Variants in ADGRL2 observed in about 807,000 individuals in gnomAD.
ADGRL2 encodes the protein adhesion G protein-coupled receptor L2.
A neutral mutation model predicts 157.4 loss-of-function variants in ADGRL2; 44 were observed. That is an observed-to-expected ratio of 0.28 (90% CI 0.22 to 0.36). The LOEUF (loss-of-function observed/expected upper bound fraction) is 0.36. ADGRL2 is among the 10% of genes least tolerant of loss of function. The probability of loss-of-function intolerance (pLI) is 1.00; values close to 1 mark genes in which losing one functional copy is unlikely to be tolerated. For synonymous variants in ADGRL2, 585 were observed against 624.7 expected (o/e 0.94, Z 0.95); for missense variants, 1,510 against 1,768.9 (o/e 0.85, Z 2.63).
chr1:81,781,563 C>T (rs11163372), intron 2 of ADGRL2, among the ~76,000 whole-genome samples: 29,748 of 152,068 alleles, frequency 0.2, 3,153 homozygotes, highest in African/African-American at 0.27. Flanking sequence ...AACATCTCTA[C>T]ATCAGAATTT....
intron 3 of ADGRL2, among the ~76,000 whole-genome samples, chr1:81,676,320 G>A (rs888462767): frequency 6.6e-6 from 1 of 151,922 alleles, no homozygotes; most frequent in African/African-American, 2.4e-5. Context: ...GTTTTGTTTT[G>A]TTTTGAAACA....
At chr1:81,682,167 G>C (rs2083133657) in intron 3 of ADGRL2, among the ~76,000 whole-genome samples, 1 of 151,382 alleles carries the variant, frequency 6.6e-6, no homozygotes, top group African/African-American at 2.4e-5. Flanking sequence ...AAGAAGGAAA[G>C]TATTACAGGA....
intron 1 of ADGRL2, among the ~76,000 whole-genome samples, chr1:81,392,872 A>G (rs2076584134): frequency 1.3e-5 from 2 of 152,142 alleles, no homozygotes; most frequent in Non-Finnish European, 2.9e-5. Flanking sequence ...TTGCTCTAAT[A>G]TAATCCATCT....
intron 2 of ADGRL2, among the ~76,000 whole-genome samples, chr1:81,455,013 G>A (rs1304309420): frequency 2.0e-5 from 3 of 152,176 alleles, no homozygotes; most frequent in Non-Finnish European, 4.4e-5. Flanking sequence ...AGATGACCAG[G>A]TTTCTCATCC....
chr1:81,329,609 G>C lies in ADGRL2; in HGVS notation c.-302+23100G>C, dbSNP rs530081255. 1.9e-3 allele frequency among the ~76,000 whole-genome samples: 282 copies of C among 152,210 alleles called. 3 individuals carry two copies. The highest frequency in any genetic ancestry group is 6.3e-3 in the African/African-American group (263 of 41,548). ...ATCTTTTAGCTTCATATGTCTGCCTGAGCAGCATCATACTTTAGAAAAGAA... is the reference window on the plus strand; with the variant it reads ...ATCTTTTAGCTTCATATGTCTGCCTCAGCAGCATCATACTTTAGAAAAGAA... On this transcript the variant is annotated intron_variant, in intron 1 of 24. Coordinates refer to the ADGRL2 transcript ENST00000370721.
intron 2 of ADGRL2, among the ~76,000 whole-genome samples, chr1:81,556,554 G>A (rs2080284751): frequency 1.3e-5 from 2 of 150,930 alleles, no homozygotes; most frequent in South Asian, 2.1e-4. Context: ...TAAAAAACAA[G>A]CAAAACCACC....
At chr1:81,615,959 G>A (rs1458970887) in intron 3 of ADGRL2, among the ~76,000 whole-genome samples, 1 of 152,106 alleles carries the variant, frequency 6.6e-6, no homozygotes, top group Non-Finnish European at 1.5e-5. Flanking sequence ...GAGTTTTGAA[G>A]CAGACAGCTT....
At chr1:81,351,377 C>T (rs1009431997) in intron 1 of ADGRL2, among the ~76,000 whole-genome samples, 1 of 151,924 alleles carries the variant, frequency 6.6e-6, no homozygotes, top group African/African-American at 2.4e-5. Flanking sequence ...TGAAATATAA[C>T]GTGTAGAGAA....
intron 1 of ADGRL2, among the ~76,000 whole-genome samples, chr1:81,322,163 C>G (rs1447635155): frequency 6.9e-6 from 1 of 145,498 alleles, no homozygotes; most frequent in South Asian, 2.1e-4. Context: ...TACATACACA[C>G]ATATGTACAT....
At chr1:81,560,798 A>G (rs949475965) in intron 2 of ADGRL2, among the ~76,000 whole-genome samples, 3 of 152,020 alleles carry the variant, frequency 2.0e-5, no homozygotes, top group East Asian at 1.9e-4. Context: ...TAATCCTCAC[A>G]ATGGTCTGCA....
chr1:81,695,311 AAAT>A (rs748009494), upstream of ADGRL2, among the ~76,000 whole-genome samples: 43 of 152,060 alleles, frequency 2.8e-4, no homozygotes, highest in Admixed American at 5.2e-4. Context: ...TCATTTTAAT[AAAT>A]AATAATACTT....
intron 1 of ADGRL2, among the ~76,000 whole-genome samples, chr1:81,360,804 C>G (rs575945084): frequency 6.6e-6 from 1 of 151,998 alleles, no homozygotes; most frequent in South Asian, 2.1e-4. Context: ...CCAAAAACAA[C>G]AAGTTGGCAT....
At position 81,563,361 on chromosome 1, in the gene ADGRL2, G is replaced by A. The variant is rs148225615; in HGVS notation, c.-247-17515G>A. On this transcript the variant is annotated intron_variant, in intron 2 of 24. Transcript: ENST00000370721. ...TGTCACTATTATTTCCATTTTTAAC[G>A]GAGTTCTTTGATTACTTAAGGGATA... is the stretch of plus-strand genomic sequence containing the variant. Among the ~76,000 whole-genome samples, 227 of 152,048 alleles carry A rather than the reference G, an allele frequency of 1.5e-3. 2 individuals carry two copies. Among genetic ancestry groups the A allele is most frequent in the Admixed American group, 0.013 (203 of 15,252 alleles).
At chr1:81,544,596 C>T (rs1455848996) in intron 2 of ADGRL2, among the ~76,000 whole-genome samples, 2 of 151,906 alleles carry the variant, frequency 1.3e-5, no homozygotes, top group Middle Eastern at 6.4e-3. Flanking sequence ...AATTTTTTGC[C>T]AAGTTGCCTA....
chr1:81,366,534 C>T (rs899338427), intron 1 of ADGRL2, among the ~76,000 whole-genome samples: 1 of 152,116 alleles, frequency 6.6e-6, no homozygotes, highest in Non-Finnish European at 1.5e-5. Flanking sequence ...TTATGCTTTT[C>T]ACTGACCCAG....
At chr1:81,542,420 G>T (rs756412790) in intron 2 of ADGRL2, among the ~76,000 whole-genome samples, 9 of 152,136 alleles carry the variant, frequency 5.9e-5, no homozygotes, top group Non-Finnish European at 1.2e-4. Flanking sequence ...GCCCCCTGTA[G>T]TTTCAATTAA....
intron 1 of ADGRL2, among the ~76,000 whole-genome samples, chr1:81,755,373 T>A (rs2085652611): frequency 6.6e-6 from 1 of 151,782 alleles, no homozygotes; most frequent in African/African-American, 2.4e-5. Context: ...ATTATCATTA[T>A]CATTATTATA....
rs1657097068 is a variant in ADGRL2, at chr1:81,966,532, A to G, written c.2272A>G (p.Ile758Val). ...CACCATTGCAGTGAACTCTCACGTC[A>G]TTTCAGTTTCAATCAATAAAGAGTC... ...NSTIAVNSHV[I>V]SVSINKESSR... The change falls in exon 13 of 24, where the codon ATT becomes GTT. Residue 758 changes from isoleucine (I) to valine (V), a missense_variant. Physicochemically the swap from Ile to Val is conservative, Grantham distance 29. This residue lies in a region of ADGRL2 where 497 missense variants were observed against 627.2 expected (regional missense o/e 0.79). Coordinates refer to ENST00000686636, the MANE Select transcript of ADGRL2 (RefSeq NM_001366006.2). 5 of 1,614,104 alleles carry G rather than the reference A, an allele frequency of 3.1e-6. No homozygotes were observed. Among genetic ancestry groups the G allele is most frequent in the Non-Finnish European group, 3.4e-6 (4 of 1,179,996 alleles).
intron 1 of ADGRL2, among the ~76,000 whole-genome samples, chr1:81,403,329 A>T (rs1234671543): frequency 6.6e-6 from 1 of 151,906 alleles, no homozygotes; most frequent in Non-Finnish European, 1.5e-5. Flanking sequence ...CAGCGGCATG[A>T]TCTCAGCTCG....
Sources: gnomAD v4.1 joint callset for allele counts (sites outside exome capture counted in the v4.1 genomes callset) on GRCh38, gnomAD v4.1.1 for gene constraint, gnomAD v4.1.1 regional missense constraint, MANE v1.5 for transcripts, NCBI Gene and HGNC (gene_info 2026-07-23, HGNC 2026-07-21) for gene names.